Variants in RASAL2 observed in about 807,000 individuals in gnomAD.
The protein encoded by RASAL2 is RAS protein activator like 2, also known as ras GTPase-activating protein nGAP.
RASAL2 carries 58 observed loss-of-function variants against 128.9 expected under a neutral mutation model. That is an observed-to-expected ratio of 0.45 (90% CI 0.36 to 0.56). The LOEUF (loss-of-function observed/expected upper bound fraction) is 0.56. Ranked by LOEUF, RASAL2 falls within the 20% of genes least tolerant of loss-of-function variation. The pLI is 0.00. For missense variants in RASAL2, 1,360 were observed against 1,601.6 expected (o/e 0.85, Z 2.57); for synonymous variants, 561 against 580.8 (o/e 0.97, Z 0.49).
intron 3 of RASAL2, among the ~76,000 whole-genome samples, chr1:178,375,843 A>G (rs1671959680): frequency 6.6e-6 from 1 of 152,076 alleles, no homozygotes; most frequent in Non-Finnish European, 1.5e-5. Flanking sequence ...CTGTTTAGGT[A>G]TTTTCACTTT....
At chr1:178,112,977 T>C (rs1328706828) in intron 1 of RASAL2, among the ~76,000 whole-genome samples, 2 of 152,198 alleles carry the variant, frequency 1.3e-5, no homozygotes, top group Non-Finnish European at 2.9e-5. Context: ...TTTCTTCTAT[T>C]TTTTTCATTG....
intron 4 of RASAL2, among the ~76,000 whole-genome samples, chr1:178,396,063 T>C (rs1673209488): frequency 6.6e-6 from 1 of 151,880 alleles, no homozygotes; most frequent in Non-Finnish European, 1.5e-5. Flanking sequence ...TACAACTCCT[T>C]AAGGGAACAG....
At chr1:178,387,605 A>G (rs917214878) in intron 3 of RASAL2, among the ~76,000 whole-genome samples, 2 of 148,742 alleles carry the variant, frequency 1.3e-5, no homozygotes, top group African/African-American at 5.0e-5. Flanking sequence ...GTTCCCACCT[A>G]TGAGTGAGAA....
chr1:178,371,322 C>CCACACACACACACACA lies in RASAL2; in HGVS notation c.458-18763_458-18748dup, dbSNP rs370972772. ...TTCTTTCAGATTTCAGCCTTCTTTC[C>CCACACACACACACACA]CACACACACACACACACACACACAC... On this transcript the variant is annotated intron_variant, in intron 3 of 17. Coordinates refer to ENST00000367649, the MANE Select transcript of RASAL2 (RefSeq NM_170692.4). Among the ~76,000 whole-genome samples the CCACACACACACACACA allele has an allele frequency of 6.5e-3, 807 of 124,448 alleles. 4 individuals are homozygous for CCACACACACACACACA. Among genetic ancestry groups the CCACACACACACACACA allele is most frequent in the Middle Eastern group, 0.014 (3 of 220 alleles). The allele number at this position is 124,448 out of a possible 152,430, so 81.6% of individuals were successfully genotyped here. A position where few individuals can be genotyped will look rare whatever the true frequency, so the allele number is the denominator to read the frequency against.
intron 5 of RASAL2, among the ~76,000 whole-genome samples, chr1:178,436,616 GAA>G (rs1292446730): frequency 6.6e-6 from 1 of 152,144 alleles, no homozygotes. Context: ...ACATGTGAGA[GAA>G]AGCTTTGTAC....
In RASAL2 at chr1:178,288,643, T is replaced by TC. The variant is rs1491573019; in HGVS notation, c.330+4952_330+4953insC. On this transcript the variant is annotated intron_variant, in intron 2 of 17. Transcript: ENST00000367649. ...ATCAGCATGCTATTCTTTCTCTCTC[T>TC]TTTTTTTTTTTTTTTTTTTTTTTTT... is the stretch of plus-strand genomic sequence containing the variant. Among the ~76,000 whole-genome samples the TC allele has an allele frequency of 4.2e-4, 27 of 64,240 alleles. No homozygotes were observed. In the East Asian group the frequency reaches 4.9e-3, roughly 12 times the overall value. 42.1% of individuals were successfully genotyped at this position (64,240 alleles called of 152,430 possible). A position where few individuals can be genotyped will look rare whatever the true frequency, so the allele number is the denominator to read the frequency against.
chr1:178,340,274 C>T (rs1048628711), intron 3 of RASAL2, among the ~76,000 whole-genome samples: 24 of 152,230 alleles, frequency 1.6e-4, no homozygotes, highest in African/African-American at 5.8e-4. Flanking sequence ...ATTTTCATGT[C>T]TCTTCTGTTC....
chr1:178,300,016 C>T lies in RASAL2; in HGVS notation c.355C>T (p.Gln119Ter). Residue 119 changes from glutamine to a stop codon, truncating the protein, a stop_gained, in exon 3 of 18, where the codon CAG becomes TAG. Transcript: ENST00000367649. LOFTEE classifies it high-confidence loss of function. ...GATACCTGTGGAAGGGGGACAGGAG[C>T]AGCAGACAGATTCCACCAAAGGGCG... ...KEIPVEGGQE[Q>*]QTDSTKGRCL... 1 of 1,613,932 alleles carries T rather than the reference C, an allele frequency of 6.2e-7. No individual in the cohort carries two copies. Among genetic ancestry groups the T allele is most frequent in the Non-Finnish European group, 8.5e-7 (1 of 1,179,920 alleles).
chr1:178,469,855 A>G (rs1648099620), intron 17 of RASAL2, among the ~76,000 whole-genome samples: 1 of 152,242 alleles, frequency 6.6e-6, no homozygotes, highest in South Asian at 2.1e-4. Flanking sequence ...TATATAATAA[A>G]TTATTCTACC....
intron 1 of RASAL2, among the ~76,000 whole-genome samples, chr1:178,270,544 A>G (rs1418865429): frequency 6.7e-6 from 1 of 148,984 alleles, no homozygotes; most frequent in Admixed American, 6.7e-5. Context: ...TTTTTCTTGT[A>G]TCTGTCTCTT....
At chr1:178,349,172 G>A (rs1670321375) in intron 3 of RASAL2, among the ~76,000 whole-genome samples, 3 of 150,384 alleles carry the variant, frequency 2.0e-5, no homozygotes, top group African/African-American at 4.9e-5. Context: ...TGTAATTCCA[G>A]CATTTTGGGA....
chr1:178,301,946 C>A (rs1249002338), intron 3 of RASAL2, among the ~76,000 whole-genome samples: 1 of 152,118 alleles, frequency 6.6e-6, no homozygotes, highest in African/African-American at 2.4e-5. Flanking sequence ...TGGTCTAGAG[C>A]CAGTCCTTAT....
At chr1:178,320,839 T>C (rs1342814154) in intron 3 of RASAL2, among the ~76,000 whole-genome samples, 1 of 152,218 alleles carries the variant, frequency 6.6e-6, no homozygotes, top group East Asian at 1.9e-4. Flanking sequence ...ATTATGACTA[T>C]TTAATTCGTA....
At chr1:178,406,073 T>G (rs1362055655) in intron 4 of RASAL2, among the ~76,000 whole-genome samples, 1 of 152,238 alleles carries the variant, frequency 6.6e-6, no homozygotes. Context: ...CCATGTCGTC[T>G]TGTTATTTGT....
At chr1:178,128,399 T>A (rs1466566032) in intron 1 of RASAL2, among the ~76,000 whole-genome samples, 3 of 152,178 alleles carry the variant, frequency 2.0e-5, no homozygotes, top group Non-Finnish European at 4.4e-5. Context: ...AGAATTCTAC[T>A]TGTTAGTTTG....
chr1:178,293,444 A>G (rs192870529), intron 2 of RASAL2, among the ~76,000 whole-genome samples: 13 of 152,354 alleles, frequency 8.5e-5, no homozygotes, highest in Admixed American at 7.8e-4. Context: ...CAGAACAATT[A>G]GGAGACTGCC....
At chr1:178,100,398 T>G (rs1658849127) in intron 1 of RASAL2, among the ~76,000 whole-genome samples, 1 of 150,308 alleles carries the variant, frequency 6.7e-6, no homozygotes, top group Admixed American at 6.6e-5. Flanking sequence ...TGGTGGCACA[T>G]CTGTAATCCC....
intron 1 of RASAL2, among the ~76,000 whole-genome samples, chr1:178,185,340 G>A (rs189500364): frequency 3.3e-5 from 5 of 151,900 alleles, no homozygotes; most frequent in Admixed American, 6.5e-5. Context: ...TAGTTAGGAC[G>A]TATGGTAGGA....
At chr1:178,353,633 T>C (rs1670640141) in intron 3 of RASAL2, among the ~76,000 whole-genome samples, 3 of 152,204 alleles carry the variant, frequency 2.0e-5, no homozygotes, top group Admixed American at 2.0e-4. Flanking sequence ...TTCTTACATA[T>C]TTTAAGGTAT....
Sources: allele counts gnomAD v4.1 joint callset (sites outside exome capture counted in the v4.1 genomes callset), GRCh38; gene constraint gnomAD v4.1.1; transcripts MANE v1.5; gene names NCBI Gene and HGNC (gene_info 2026-07-23, HGNC 2026-07-21).